The following TNKS2 variants were observed in gnomAD, a reference collection of about 807,000 sequenced individuals.
TNKS2 encodes the protein tankyrase 2, also known as poly [ADP-ribose] polymerase tankyrase-2.
A neutral mutation model predicts 137.6 loss-of-function variants in TNKS2; 72 were observed. The observed-to-expected ratio is 0.52, with a 90% CI of 0.43 to 0.64. The LOEUF (loss-of-function observed/expected upper bound fraction) is 0.64, where lower values mean the gene tolerates loss of function less well. Among genes scored for constraint, TNKS2 ranks in the 30% least tolerant of loss-of-function variants. The pLI, the probability that TNKS2 is intolerant of heterozygous loss-of-function variation, is 0.00. For synonymous variants in TNKS2, 516 were observed against 512.1 expected, an observed-to-expected ratio of 1.01 and a Z score of -0.10; for missense variants, 1,049 against 1,410.2, an observed-to-expected ratio of 0.74 and a Z score of 4.10.
intron 6 of TNKS2, among the ~76,000 whole-genome samples, chr10:91,821,459 C>G (rs1441524774): frequency 6.6e-6 from 1 of 152,032 alleles, no homozygotes; most frequent in African/African-American, 2.4e-5. Flanking sequence ...AAGCCATGAA[C>G]CTTTAAAGAG....
intron 7 of TNKS2, among the ~76,000 whole-genome samples, chr10:91,825,248 G>A (rs1845031471): frequency 6.6e-6 from 1 of 151,854 alleles, no homozygotes; most frequent in Non-Finnish European, 1.5e-5. Flanking sequence ...AATTACAGGT[G>A]TGGTGCCACC....
Position 91,831,122 on chromosome 10 carries a change from G to C in TNKS2, c.1216G>C (p.Val406Leu), listed in dbSNP as rs766813149. ...TCTAAGATTCTTGACTCCTCTGCAC[G>C]TGGCATCTGAGAAAGCTCATAATGA... ...KTKEFLTPLH[V>L]ASEKAHNDVV... Residue 406 changes from valine to leucine, a missense_variant, in exon 11 of 27, where the codon GTG (valine) becomes CTG (leucine). By Grantham distance (32) the Val-to-Leu change is conservative. Coordinates refer to ENST00000371627, the MANE Select transcript of TNKS2 (RefSeq NM_025235.4). 1.7e-5 allele frequency: 27 copies of C among 1,613,830 alleles called. No homozygotes were observed. The South Asian group carries it at 2.9e-4, about 17-fold the overall frequency.
intron 13 of TNKS2, among the ~76,000 whole-genome samples, chr10:91,837,707 A>G (rs1842072622): frequency 6.6e-6 from 1 of 152,206 alleles, no homozygotes; most frequent in Non-Finnish European, 1.5e-5. Context: ...TAAAGACACA[A>G]AAATTAGCTG....
chr10:91,812,316 C>A (rs1003054871), intron 1 of TNKS2, among the ~76,000 whole-genome samples: 3 of 151,986 alleles, frequency 2.0e-5, no homozygotes, highest in African/African-American at 7.3e-5. Flanking sequence ...GATTTGGGGG[C>A]AGTTGAGCAG....
chr10:91,812,449 T>A (rs1844539776), intron 1 of TNKS2, among the ~76,000 whole-genome samples: 1 of 152,216 alleles, frequency 6.6e-6, no homozygotes, highest in Non-Finnish European at 1.5e-5. Flanking sequence ...TGCCTGGGGT[T>A]ATCTCTCTGT....
intron 1 of TNKS2, among the ~76,000 whole-genome samples, chr10:91,799,301 G>C (rs1844079788): frequency 6.6e-6 from 1 of 152,188 alleles, no homozygotes; most frequent in Non-Finnish European, 1.5e-5. Flanking sequence ...AGTTCCATTT[G>C]GGTTAAGGTC....
intron 26 of TNKS2, 59 bp downstream of exon 26, chr10:91,862,214 T>G (rs1477640132): frequency 7.4e-7 from 1 of 1,353,678 alleles, no homozygotes; most frequent in African/African-American, 1.5e-5. Context: ...TTTAACTTTT[T>G]ATTAATCTCT....
At chr10:91,835,121 GTAA>G (rs1247977592) in intron 12 of TNKS2, among the ~76,000 whole-genome samples, 1 of 152,030 alleles carries the variant, frequency 6.6e-6, no homozygotes, top group African/African-American at 2.4e-5. Context: ...AATTACAGAA[GTAA>G]TAGATTTTAA....
chr10:91,859,573 A>G lies in TNKS2; in HGVS notation c.3206A>G (p.Asn1069Ser). ...TTTGCTGAAAACTCTTCCAAAAGCA[A>G]TCAATATGTATATGGAATTGGAGGA... is the stretch of plus-strand genomic sequence containing the variant. ...IYFAENSSKS[N>S]QYVYGIGGGT... The change falls in exon 25 of 27, where the codon AAT (asparagine) becomes AGT (serine). Residue 1069 changes from asparagine to serine, a missense_variant. Asn to Ser is a conservative substitution (Grantham distance 46). This residue lies in a region of TNKS2 where 133 missense variants were observed against 248.4 expected (regional missense o/e 0.54). Transcript: ENST00000371627. 6.2e-7 allele frequency: 1 copy of G among 1,614,030 alleles called. No homozygotes were observed. The highest frequency in any genetic ancestry group is 1.1e-5 in the South Asian group (1 of 91,072).
chr10:91,838,923 A>C (rs1048360707), intron 13 of TNKS2, among the ~76,000 whole-genome samples: 2 of 152,156 alleles, frequency 1.3e-5, no homozygotes, highest in African/African-American at 4.8e-5. Context: ...GCTGGAGTGC[A>C]ATTGCACGAT....
chr10:91,807,645 C>T (rs1377858244), intron 1 of TNKS2, among the ~76,000 whole-genome samples: 2 of 152,282 alleles, frequency 1.3e-5, no homozygotes, highest in Middle Eastern at 3.4e-3. Flanking sequence ...CTAAAGGATG[C>T]TGGGGAAGTA....
At chr10:91,803,095 T>C (rs1475436148) in intron 1 of TNKS2, among the ~76,000 whole-genome samples, 3 of 152,238 alleles carry the variant, frequency 2.0e-5, no homozygotes, top group Non-Finnish European at 4.4e-5. Flanking sequence ...TCCAAGTTTC[T>C]ACTAATCTGG....
intron 11 of TNKS2, among the ~76,000 whole-genome samples, 193 bp from the exon 12 acceptor site, chr10:91,833,660 T>G (rs1841894048): frequency 1.3e-5 from 2 of 152,212 alleles, no homozygotes; most frequent in South Asian, 4.1e-4. Context: ...AATTGAGTCT[T>G]CCTTCTGATG....
chr10:91,840,865 A>G (rs907740026), intron 14 of TNKS2, among the ~76,000 whole-genome samples, 159 bp downstream of exon 14: 6 of 152,210 alleles, frequency 3.9e-5, no homozygotes, highest in African/African-American at 7.2e-5. Flanking sequence ...AAGATTTTAT[A>G]TGGTTAGCAT....
chr10:91,837,062 G>A (rs1842048136), intron 13 of TNKS2, 64 bp downstream of exon 13: 1 of 1,516,060 alleles, frequency 6.6e-7, no homozygotes, highest in African/African-American at 1.4e-5. Context: ...TATTTAATCT[G>A]TACTGTTACA....
chr10:91,816,482 C>T (rs1338705685), intron 2 of TNKS2, among the ~76,000 whole-genome samples: 1 of 152,182 alleles, frequency 6.6e-6, no homozygotes, highest in Admixed American at 6.5e-5. Context: ...CTACTCCACT[C>T]CTTAGACTCT....
rs981467799 is a variant in TNKS2, at chr10:91,854,974, G to A, written c.2816-55G>A. 9.4e-5 allele frequency: 85 copies of A among 903,070 alleles called. No individual in the cohort carries two copies. The Middle Eastern group carries it at 2.4e-3, about 25-fold the overall frequency. 55.9% of individuals were successfully genotyped at this position (903,070 alleles called of 1,614,324 possible). On this transcript the variant is annotated intron_variant, in intron 21 of 26. Coordinates refer to ENST00000371627, the MANE Select transcript of TNKS2 (RefSeq NM_025235.4). Reference sequence around the variant, plus strand: ...AAATTAGGTGGTTATTTTTGGTTTTGATGTTCATTGTTTATTGGCAATTTA... The same window carrying A: ...AAATTAGGTGGTTATTTTTGGTTTTAATGTTCATTGTTTATTGGCAATTTA...
At chr10:91,805,884 T>C (rs7072165) in intron 1 of TNKS2, among the ~76,000 whole-genome samples, 27,468 of 151,976 alleles carry the variant, frequency 0.18, 3,559 homozygotes, top group African/African-American at 0.36. Context: ...GAACCATAGA[T>C]TAGGGCAACT....
intron 1 of TNKS2, among the ~76,000 whole-genome samples, chr10:91,810,607 A>C (rs1206921741): frequency 6.6e-6 from 1 of 150,934 alleles, no homozygotes; most frequent in Admixed American, 6.6e-5. Flanking sequence ...GGTTCATGCC[A>C]TTCTCCTGCC....
Sources: gnomAD v4.1 joint callset for allele counts (sites outside exome capture counted in the v4.1 genomes callset) on GRCh38, gnomAD v4.1.1 for gene constraint, gnomAD v4.1.1 regional missense constraint, MANE v1.5 for transcripts, NCBI Gene and HGNC (gene_info 2026-07-23, HGNC 2026-07-21) for gene names.